Variants in DOP1B observed in about 807,000 individuals in gnomAD.
DOP1B encodes the protein DOP1 leucine zipper like protein B.
DOP1B carries 174 observed loss-of-function variants against 233.5 expected under a neutral mutation model. The ratio of observed to expected loss-of-function variants is 0.75; its 90% CI spans 0.66 to 0.85. DOP1B has a LOEUF of 0.85. Among genes scored for constraint, DOP1B ranks in the 40% least tolerant of loss-of-function variants. DOP1B has a pLI of 0.00. For synonymous variants in DOP1B, 1,190 were observed against 1,185.6 expected (o/e 1.00, Z -0.08); for missense variants, 2,652 against 2,846.6 (o/e 0.93, Z 1.56).
In DOP1B at chr21:36,277,983, T is replaced by G; in HGVS notation, c.5721T>G (p.Ala1907=). The change falls in exon 29 of 37, where the codon GCT becomes GCG. Residue 1907 remains alanine, a synonymous_variant. Transcript: ENST00000691173. ...QALSLLAEVL[A]SLLDMVYRSD... Reference sequence around the variant, plus strand: ...GGGCCTTGTTCTTTTAGGTACTGGCTTCCCTCCTGGACATGGTTTATCGAA... The same window carrying G: ...GGGCCTTGTTCTTTTAGGTACTGGCGTCCCTCCTGGACATGGTTTATCGAA... The G allele has an allele frequency of 6.2e-7, 1 of 1,614,000 alleles. No homozygotes were observed. Among genetic ancestry groups the G allele is most frequent in the South Asian group, 1.1e-5 (1 of 91,074 alleles).
rs1235697966 is a variant in DOP1B at position 36,248,493 on chromosome 21, G to A, written c.4923G>A (p.Glu1641=). 1.2e-6 allele frequency: 2 copies of A among 1,614,066 alleles called. No homozygotes were observed. Among genetic ancestry groups the A allele is most frequent in the Non-Finnish European group, 1.7e-6 (2 of 1,180,028 alleles). Residue 1641 remains glutamate, a synonymous_variant, in exon 21 of 37, where the codon GAG becomes GAA. Coordinates refer to ENST00000691173, the MANE Select transcript of DOP1B (RefSeq NM_001320714.2). ...TTCTCTGGAATGTTCTCAGAAAGGAGGAGACTCAAAAGAGACCTGTCGATC... is the reference window on the plus strand; with the variant it reads ...TTCTCTGGAATGTTCTCAGAAAGGAAGAGACTCAAAAGAGACCTGTCGATC... ...MALLWNVLRK[E]ETQKRPVDLL...
rs529578047 is a variant in DOP1B at position 36,245,538 on chromosome 21, G to A, written c.3558G>A (p.Thr1186=). 1.5e-5 allele frequency: 25 copies of A among 1,613,348 alleles called. No homozygotes were observed. Among genetic ancestry groups the A allele is most frequent in the African/African-American group, 2.7e-5 (2 of 74,940 alleles). Residue 1186 remains threonine, a synonymous_variant, in exon 19 of 37, where the codon ACG becomes ACA. Coordinates refer to ENST00000691173, the MANE Select transcript of DOP1B (RefSeq NM_001320714.2). The surrounding 1 kb of genome is among the most constrained non-coding windows in gnomAD (Gnocchi z 5.5). ...TGGTGCGGGTGGACTCGGACAAGAC[G>A]CAGGCTTCTGAGTCGTTCTCCAGCG... ...LSLVRVDSDK[T]QASESFSSDE...
intron 21 of DOP1B, among the ~76,000 whole-genome samples, chr21:36,250,429 G>A (rs907404016): frequency 5.9e-5 from 9 of 152,202 alleles, no homozygotes; most frequent in Non-Finnish European, 1.0e-4. Flanking sequence ...GGGCTTCAAA[G>A]AAACACAGGG....
chr21:36,219,598 G>A, intron 10 of DOP1B, 106 bp downstream of exon 10: 2 of 1,483,364 alleles, frequency 1.3e-6, no homozygotes, highest in Non-Finnish European at 1.8e-6. Context: ...AGAGAAAGCA[G>A]AGATGCAGCA....
chr21:36,200,797 C>T lies in DOP1B; in HGVS notation c.491+296C>T, dbSNP rs1206605749. On this transcript the variant is annotated intron_variant, in intron 4 of 36. Transcript: ENST00000691173. ...GGCGGAGCTTGCAGTGAGCCGAGAT[C>T]GCACCACTGCACTCCAGCCTGGACA... Among the ~76,000 whole-genome samples, 3 of 150,930 alleles carry T rather than the reference C, an allele frequency of 2.0e-5. No homozygotes were observed. In the East Asian group the frequency reaches 5.8e-4, roughly 29 times the overall value.
chr21:36,237,533 T>C, intron 16 of DOP1B, 119 bp downstream of exon 16: 1 of 1,291,410 alleles, frequency 7.7e-7, no homozygotes, highest in East Asian at 2.5e-5. Flanking sequence ...ACATCGTGAT[T>C]AATAAAATAA....
In DOP1B at chr21:36,201,345, C is replaced by CTTTTTTTTTTTTTTTTTTTTTT. The variant is rs1172730528; in HGVS notation, c.491+864_491+865insTTTTTTTTTTTTTTTTTTTTTT. ...TCTATTCCACTGTATCTATTGGATT[C>CTTTTTTTTTTTTTTTTTTTTTT]TTTTTTTTTTTTTTTTTTTTGAGAC... is the stretch of plus-strand genomic sequence containing the variant. On this transcript the variant is annotated intron_variant, in intron 4 of 36. Transcript: ENST00000691173. Among the ~76,000 whole-genome samples, 99 of 83,254 alleles carry CTTTTTTTTTTTTTTTTTTTTTT rather than the reference C, an allele frequency of 1.2e-3. 11 individuals carry two copies. The highest frequency in any genetic ancestry group is 2.4e-3 in the East Asian group (7 of 2,930). The allele number at this position is 83,254 out of a possible 152,430, so 54.6% of individuals were successfully genotyped here. A position where few individuals can be genotyped will look rare whatever the true frequency, so the allele number is the denominator to read the frequency against.
chr21:36,226,739 A>G (rs2066687633), intron 12 of DOP1B, among the ~76,000 whole-genome samples: 1 of 152,152 alleles, frequency 6.6e-6, no homozygotes, highest in African/African-American at 2.4e-5. Flanking sequence ...GACCACAGGC[A>G]TGTGCCACCA....
At chr21:36,251,346 CAT>C (rs1275356593) in intron 22 of DOP1B, 62 bp downstream of exon 22, 10 of 1,552,704 alleles carry the variant, frequency 6.4e-6, no homozygotes, top group East Asian at 2.3e-5. Flanking sequence ...ACCACAGAAT[CAT>C]GTGGAATCAA....
chr21:36,274,275 T>C (rs950400751), intron 27 of DOP1B, among the ~76,000 whole-genome samples: 1 of 152,142 alleles, frequency 6.6e-6, no homozygotes, highest in Non-Finnish European at 1.5e-5. Flanking sequence ...AGGCAGAAGA[T>C]GATTCTGGCT....
intron 31 of DOP1B, among the ~76,000 whole-genome samples, chr21:36,281,228 C>G (rs950260913): frequency 6.6e-6 from 1 of 151,716 alleles, no homozygotes; most frequent in Admixed American, 6.6e-5. Context: ...CCCAGGAGGT[C>G]GAGGCCGCAG....
intron 27 of DOP1B, among the ~76,000 whole-genome samples, chr21:36,274,234 A>T (rs1279137531): frequency 6.6e-6 from 1 of 152,166 alleles, no homozygotes; most frequent in Non-Finnish European, 1.5e-5. Flanking sequence ...CAGAAACTGG[A>T]AGTCCAGGTA....
intron 31 of DOP1B, 46 bp downstream of exon 31, chr21:36,280,392 A>G (rs1321261141): frequency 8.0e-6 from 11 of 1,374,280 alleles, no homozygotes; most frequent in Admixed American, 1.8e-5. Context: ...GATAGGATCA[A>G]TGCCAATATA....
chr21:36,257,201 C>T (rs2067108539), intron 23 of DOP1B, among the ~76,000 whole-genome samples: 1 of 152,212 alleles, frequency 6.6e-6, no homozygotes, highest in South Asian at 2.1e-4. Flanking sequence ...TGCAGAGCTC[C>T]TGTGCCCTCC....
chr21:36,283,879 G>T (rs2067447699), intron 32 of DOP1B, among the ~76,000 whole-genome samples: 1 of 151,548 alleles, frequency 6.6e-6, no homozygotes, highest in African/African-American at 2.4e-5. Context: ...AGCATATTGG[G>T]CAATGTACCT....
At position 36,278,355 on chromosome 21, in the gene DOP1B, A is replaced by G. The variant is rs746398996; in HGVS notation, c.5969A>G (p.His1990Arg). 6.2e-7 allele frequency: 1 copy of G among 1,611,138 alleles called. No homozygotes were observed. Among genetic ancestry groups the G allele is most frequent in the South Asian group, 1.1e-5 (1 of 90,860 alleles). The change falls in exon 30 of 37, where the codon CAT becomes CGT. Residue 1990 changes from histidine (H) to arginine (R), a missense_variant and splice_region_variant. Around this residue, in one of 3 missense-constraint regions of DOP1B, gnomAD observed 2,617 missense variants for 2,794.3 expected, o/e 0.94. Transcript: ENST00000691173. ...TTTCAGATGGATACTTCCTGTGTTC[A>G]GTAAGATATGCTGTCCTGATAACAA... The part of the protein sequence containing the change: ...AFFQMDTSCV[H>R]WKSIIDHLLT...
chr21:36,249,077 C>T (rs7510057), intron 21 of DOP1B, among the ~76,000 whole-genome samples: 35,705 of 151,380 alleles, frequency 0.24, 4,494 homozygotes, highest in Middle Eastern at 0.31. Flanking sequence ...TGCACCCCAG[C>T]CTGGGCAACA....
intron 9 of DOP1B, among the ~76,000 whole-genome samples, chr21:36,217,937 T>A (rs2066579793): frequency 6.6e-6 from 1 of 152,248 alleles, no homozygotes; most frequent in African/African-American, 2.4e-5. Flanking sequence ...TAAACGTTGC[T>A]GCTAACTTGG....
Position 36,288,086 on chromosome 21 carries a change from T to C in DOP1B, c.6233T>C (p.Val2078Ala). ...GCTCAGATGTTTCTTTTTTTCAGAG[T>C]TTTGCTGCTAAGAATATCTCCTCAA... ...VAAQMFLFFRVLLLRISPQHL... is the reference protein window; with the variant it reads ...VAAQMFLFFRALLLRISPQHL... The change falls in exon 33 of 37, where the codon GTT (valine) becomes GCT (alanine). Residue 2078 changes from valine to alanine, a missense_variant. Around this residue, in one of 3 missense-constraint regions of DOP1B, gnomAD observed 2,617 missense variants for 2,794.3 expected, o/e 0.94. Coordinates refer to ENST00000691173, the MANE Select transcript of DOP1B (RefSeq NM_001320714.2). 2 of 1,613,968 alleles carry C rather than the reference T, an allele frequency of 1.2e-6. No homozygotes were observed. The highest frequency in any genetic ancestry group is 1.7e-6 in the Non-Finnish European group (2 of 1,179,978).
Sources: gnomAD v4.1 joint callset for allele counts (sites outside exome capture counted in the v4.1 genomes callset) on GRCh38, gnomAD v4.1.1 for gene constraint, gnomAD v4.1.1 regional missense constraint, Gnocchi (gnomAD v3.1) non-coding constraint, MANE v1.5 for transcripts, NCBI Gene and HGNC (gene_info 2026-07-23, HGNC 2026-07-21) for gene names.